Variants in SLC11A2 observed in about 807,000 individuals in gnomAD.
SLC11A2 encodes solute carrier family 11 member 2, also known as natural resistance-associated macrophage protein 2.
SLC11A2 carries 38 observed loss-of-function variants against 68.0 expected under a neutral mutation model. The observed-to-expected ratio is 0.56, with a 90% CI of 0.43 to 0.73. The LOEUF (loss-of-function observed/expected upper bound fraction) is 0.73. Ranked by LOEUF, SLC11A2 falls within the 30% of genes least tolerant of loss-of-function variation. SLC11A2 has a pLI of 0.00. For synonymous variants in SLC11A2, 242 were observed against 250.6 expected, an observed-to-expected ratio of 0.97 and a Z score of 0.32; for missense variants, 517 against 690.5, an observed-to-expected ratio of 0.75 and a Z score of 2.82.
At chr12:50,960,442 A>G in the SLC11A2 span, among the ~76,000 whole-genome samples, 2 of 152,348 alleles carry the variant, frequency 1.3e-5, no homozygotes, top group Non-Finnish European at 2.9e-5. Context: ...ACAAATGACT[A>G]GACAAGTTAC....
intron 11 of SLC11A2, among the ~76,000 whole-genome samples, chr12:50,993,599 G>C: frequency 6.6e-6 from 1 of 151,792 alleles, no homozygotes; most frequent in Non-Finnish European, 1.5e-5. Flanking sequence ...GCCGAGGGGG[G>C]GGTGGATCAC....
chr12:50,971,304 G>C, the SLC11A2 span, among the ~76,000 whole-genome samples: 6 of 152,172 alleles, frequency 3.9e-5, no homozygotes, highest in Non-Finnish European at 8.8e-5. Context: ...CATCAGAGGA[G>C]AATGGTCATG....
chr12:50,996,929 A>C lies in SLC11A2; in HGVS notation c.719T>G (p.Met240Arg). 1 of 1,614,106 alleles carries C rather than the reference A, an allele frequency of 6.2e-7. No homozygotes were observed. The highest frequency in any genetic ancestry group is 8.5e-7 in the Non-Finnish European group (1 of 1,179,964). The change falls in exon 9 of 16, where the codon ATG becomes AGG. Residue 240 changes from methionine (M) to arginine (R), a missense_variant. By Grantham distance (91) the Met-to-Arg change is moderately conservative. Transcript: ENST00000262052. ...KPSQSQVLKG[M>R]FVPSCSGCRT... ...ACAGCCTGAACAGGATGGTACGAAC[A>C]TGCCCTTGAGTACCTGGCTCTGGCT...
downstream of SLC11A2, among the ~76,000 whole-genome samples, chr12:50,985,027 T>C (rs1456791717): frequency 6.6e-6 from 1 of 152,208 alleles, no homozygotes; most frequent in African/African-American, 2.4e-5. Flanking sequence ...ACTTTTGGCC[T>C]TCCAGTTGAC....
chr12:50,961,068 T>G, the SLC11A2 span: 1 of 1,613,964 alleles, frequency 6.2e-7, no homozygotes, highest in Non-Finnish European at 8.5e-7. Context: ...TGAGAGTTGC[T>G]GCCCAAGGAT....
At chr12:50,969,334 G>A in the SLC11A2 span, among the ~76,000 whole-genome samples, 1 of 151,922 alleles carries the variant, frequency 6.6e-6, no homozygotes. Flanking sequence ...CAGATTTTGA[G>A]AGGCATGCTC....
At chr12:50,997,679 CAAAAAAAAA>C (rs35477132) in intron 8 of SLC11A2, among the ~76,000 whole-genome samples, 1 of 44,974 alleles carries the variant, frequency 2.2e-5, no homozygotes, top group Non-Finnish European at 3.4e-5. Flanking sequence ...GACTCTGTCT[CAAAAAAAAA>C]AAAAAAAAAA....
chr12:51,005,767 G>A (rs1302706732), intron 3 of SLC11A2: 2 of 1,115,678 alleles, frequency 1.8e-6, no homozygotes, highest in Admixed American at 4.6e-5. Context: ...AAACAAGCCA[G>A]GTGTGGTGCT....
rs533648040 is a variant in SLC11A2, at chr12:51,015,266, G to A, written c.-38-4500C>T. On this transcript the variant is annotated intron_variant, in intron 1 of 15. Coordinates refer to ENST00000262052, the MANE Select transcript of SLC11A2 (RefSeq NM_000617.3). The stretch of plus-strand genomic sequence containing the variant: ...TGAGGCAGGCGGATCACCTGAGGTC[G>A]GGAGTTCAAGACAAGCCTGACCAAC... 1.7e-3 allele frequency among the ~76,000 whole-genome samples: 249 copies of A among 150,428 alleles called. 1 individual carries two copies. The highest frequency in any genetic ancestry group is 5.7e-3 in the African/African-American group (235 of 40,938).
rs181099798 is a variant in SLC11A2, at chr12:51,024,825, C to T, written c.-39+1485G>A. 9.2e-5 allele frequency: 14 copies of T among 152,250 alleles called. No individual in the cohort carries two copies. The East Asian group carries it at 2.1e-3, about 23-fold the overall frequency. The allele number at this position is 152,250 out of a possible 1,614,324, so 9.4% of individuals were successfully genotyped here. ...AGATTCATAAGAAGCTTCCCCATTCCTTAACAAGAAGTGCTGCCAGGCTAC... is the reference window on the plus strand; with the variant it reads ...AGATTCATAAGAAGCTTCCCCATTCTTTAACAAGAAGTGCTGCCAGGCTAC... On this transcript the variant is annotated intron_variant, in intron 1 of 15. Transcript: ENST00000262052.
intron 2 of SLC11A2, among the ~76,000 whole-genome samples, chr12:51,008,862 C>T (rs1278800301): frequency 2.0e-5 from 3 of 151,606 alleles, no homozygotes; most frequent in Non-Finnish European, 4.4e-5. Flanking sequence ...AAAGTTATCT[C>T]CCTCCCCCTC....
At chr12:51,003,878 T>G (rs1942492980) in intron 5 of SLC11A2, among the ~76,000 whole-genome samples, 1 of 151,970 alleles carries the variant, frequency 6.6e-6, no homozygotes, top group African/African-American at 2.4e-5. Context: ...AGGTCAAGGC[T>G]GCAGTGAGCC....
At position 50,992,229 on chromosome 12, in the gene SLC11A2, T is replaced by C. The variant is rs201118966; in HGVS notation, c.1308A>G (p.Thr436=). 6.2e-7 allele frequency: 1 copy of C among 1,614,104 alleles called. No individual in the cohort carries two copies. The highest frequency in any genetic ancestry group is 2.2e-5 in the East Asian group (1 of 44,884). ...GAACATTCAGAAAGTCATTCATCCCTGTTAGATGCTCTACATCTTGGAAGA... is the reference window on the plus strand; with the variant it reads ...GAACATTCAGAAAGTCATTCATCCCCGTTAGATGCTCTACATCTTGGAAGA... ...VAVFQDVEHL[T]GMNDFLNVLQ... Residue 436 remains threonine (T), a synonymous_variant, in exon 13 of 16, where the codon ACA becomes ACG. Coordinates refer to ENST00000262052, the MANE Select transcript of SLC11A2 (RefSeq NM_000617.3).
Position 51,008,541 on chromosome 12 carries a change from G to C in SLC11A2, c.118C>G (p.Pro40Ala). 1.2e-6 allele frequency: 2 copies of C among 1,611,846 alleles called. No homozygotes were observed. The highest frequency in any genetic ancestry group is 1.7e-6 in the Non-Finnish European group (2 of 1,178,028). Residue 40 changes from proline (P) to alanine (A), a missense_variant, in exon 3 of 16, where the codon CCT (proline) becomes GCT (alanine). Physicochemically the swap from Pro to Ala is conservative, Grantham distance 27 (BLOSUM62 -1). Coordinates refer to ENST00000262052, the MANE Select transcript of SLC11A2 (RefSeq NM_000617.3). ...AYSNPSLSQS[P>A]GDSEEYFATY... ...GCGAAGTACTCCTCTGAGTCCCCAG[G>C]GGACTGTGAAAGAGAGGGATTACTA...
Position 51,026,132 on chromosome 12 carries a change from C to A in SLC11A2, c.-39+178G>T. On this transcript the variant is annotated intron_variant, in intron 1 of 15. Coordinates refer to ENST00000262052, the MANE Select transcript of SLC11A2 (RefSeq NM_000617.3). ...CTCTGAATGGCGCGACTCCATCAGT[C>A]CTGGACTCTGGGCCTGAGGCCCTCC... is the stretch of plus-strand genomic sequence containing the variant. The A allele has an allele frequency of 2.6e-6, 3 of 1,149,220 alleles. No homozygotes were observed. In the South Asian group the frequency reaches 5.1e-5, roughly 20 times the overall value. The allele number at this position is 1,149,220 out of a possible 1,614,324, so 71.2% of individuals were successfully genotyped here. A position where few individuals can be genotyped will look rare whatever the true frequency, so the allele number is the denominator to read the frequency against.
chr12:51,027,675 A>C (rs554723274), upstream of SLC11A2, among the ~76,000 whole-genome samples: 8 of 152,158 alleles, frequency 5.3e-5, no homozygotes, highest in African/African-American at 1.9e-4. Context: ...AAATTACCGT[A>C]ATTTTCTGCA....
chr12:50,998,689 G>T (rs1009606595), intron 8 of SLC11A2, among the ~76,000 whole-genome samples: 3 of 152,178 alleles, frequency 2.0e-5, no homozygotes, highest in African/African-American at 7.2e-5. Flanking sequence ...AATAATATTA[G>T]TGACTCTAAG....
chr12:50,988,933 G>T (rs934876167), intron 15 of SLC11A2, among the ~76,000 whole-genome samples: 26 of 151,894 alleles, frequency 1.7e-4, no homozygotes, highest in African/African-American at 6.3e-4. Context: ...AAGCTGGTCT[G>T]AAACTCCTAA....
the SLC11A2 span, among the ~76,000 whole-genome samples, chr12:50,958,784 T>C: frequency 6.6e-6 from 1 of 151,364 alleles, no homozygotes. Context: ...CAGGAGGCTG[T>C]GGTGGGTGGA....
Sources: allele counts gnomAD v4.1 joint callset (sites outside exome capture counted in the v4.1 genomes callset), GRCh38; gene constraint gnomAD v4.1.1; transcripts MANE v1.5; gene names NCBI Gene and HGNC (gene_info 2026-07-23, HGNC 2026-07-21).